The following VRK1 variants were observed in gnomAD, a reference collection of about 807,000 sequenced individuals.
The protein encoded by VRK1 is serine/threonine-protein kinase VRK1.
VRK1 carries 33 observed loss-of-function variants against 57.1 expected under a neutral mutation model. That is an observed-to-expected ratio of 0.58 (90% CI 0.44 to 0.77). VRK1 has a LOEUF of 0.77. VRK1 is among the 30% of genes least tolerant of loss of function. The probability of loss-of-function intolerance (pLI) is 0.00; values close to 1 mark genes in which losing one functional copy is unlikely to be tolerated. For missense variants in VRK1, 413 were observed against 477.3 expected, an observed-to-expected ratio of 0.87 and a Z score of 1.25; for synonymous variants, 137 against 147.8, an observed-to-expected ratio of 0.93 and a Z score of 0.53.
Position 96,823,222 on chromosome 14 carries a change from T to G in VRK1, c.-5-10245T>G, listed in dbSNP as rs564123962. On this transcript the variant is annotated intron_variant, in intron 1 of 12. Coordinates refer to ENST00000216639, the MANE Select transcript of VRK1 (RefSeq NM_003384.3). The stretch of plus-strand genomic sequence containing the variant: ...TAGGTAACATATGCATTATTTGTTC[T>G]TTTTATCTGTCTCTTCCTGCCAGAA... Among the ~76,000 whole-genome samples, 29 of 152,370 alleles carry G rather than the reference T, an allele frequency of 1.9e-4. 1 individual carries two copies. In the South Asian group the frequency reaches 5.6e-3, roughly 29 times the overall value.
chr14:96,799,158 G>A (rs1469169492), intron 1 of VRK1, among the ~76,000 whole-genome samples: 2 of 152,204 alleles, frequency 1.3e-5, no homozygotes. Flanking sequence ...AATGTGTTAA[G>A]CATAGAGCCT....
At chr14:96,872,177 T>A (rs1352129914) in intron 11 of VRK1, among the ~76,000 whole-genome samples, 3 of 152,204 alleles carry the variant, frequency 2.0e-5, no homozygotes, top group East Asian at 1.9e-4. Flanking sequence ...ATTTCCTAAC[T>A]CTCCATCTTT....
chr14:96,815,820 G>T (rs1886370701), intron 1 of VRK1, among the ~76,000 whole-genome samples: 1 of 151,894 alleles, frequency 6.6e-6, no homozygotes, highest in African/African-American at 2.4e-5. Flanking sequence ...ATTGCTTAGG[G>T]CCGAGGCTGC....
intron 4 of VRK1, among the ~76,000 whole-genome samples, chr14:96,846,620 TAGAG>T (rs763900461): frequency 2.0e-4 from 30 of 150,960 alleles, no homozygotes; most frequent in Middle Eastern, 3.2e-3. Context: ...ATTACATAAT[TAGAG>T]AGAGAAACTG....
At chr14:96,828,084 T>G (rs1288692703) in intron 1 of VRK1, among the ~76,000 whole-genome samples, 3 of 152,218 alleles carry the variant, frequency 2.0e-5, no homozygotes, top group Non-Finnish European at 2.9e-5. Flanking sequence ...TAGTATGTAC[T>G]CTTCTGTCTG....
At chr14:96,862,690 T>C (rs764456001) in intron 11 of VRK1, among the ~76,000 whole-genome samples, 31 of 152,176 alleles carry the variant, frequency 2.0e-4, no homozygotes, top group Non-Finnish European at 4.1e-4. Context: ...GCTTTCTCCT[T>C]TGAGAAACTA....
intron 1 of VRK1, among the ~76,000 whole-genome samples, chr14:96,822,519 C>T (rs1886642175): frequency 6.6e-6 from 1 of 152,146 alleles, no homozygotes; most frequent in Admixed American, 6.5e-5. Context: ...CATTGCAAAA[C>T]CATTCCTATC....
At chr14:96,806,447 T>A (rs892970732) in intron 1 of VRK1, among the ~76,000 whole-genome samples, 14 of 152,234 alleles carry the variant, frequency 9.2e-5, no homozygotes, top group African/African-American at 3.4e-4. Flanking sequence ...CTGATACTTG[T>A]GGAATATGTG....
chr14:96,875,670 A>G (rs1888998873), intron 11 of VRK1, among the ~76,000 whole-genome samples: 1 of 152,178 alleles, frequency 6.6e-6, no homozygotes, highest in South Asian at 2.1e-4. Flanking sequence ...CTGAGTGGTG[A>G]TCGTGAGTTT....
intron 2 of VRK1, among the ~76,000 whole-genome samples, chr14:96,836,518 C>CTTTTT (rs10560354): frequency 1.3e-4 from 12 of 89,458 alleles, no homozygotes; most frequent in South Asian, 4.2e-4. Flanking sequence ...ACATCAGGGT[C>CTTTTT]TTTTTTTTTT....
chr14:96,862,223 G>C (rs963449444), intron 11 of VRK1, among the ~76,000 whole-genome samples: 4 of 152,166 alleles, frequency 2.6e-5, no homozygotes, highest in African/African-American at 9.7e-5. Context: ...GCTAACATCT[G>C]TGACCTTATA....
At chr14:96,805,522 C>T (rs1325661816) in intron 1 of VRK1, among the ~76,000 whole-genome samples, 2 of 152,190 alleles carry the variant, frequency 1.3e-5, no homozygotes, top group Non-Finnish European at 2.9e-5. Context: ...TTCCCCTCCC[C>T]TGCCGTTTAT....
chr14:96,819,122 GT>G (rs1886500758), intron 1 of VRK1, among the ~76,000 whole-genome samples: 1 of 152,188 alleles, frequency 6.6e-6, no homozygotes, highest in South Asian at 2.1e-4. Flanking sequence ...ACTTACTGTA[GT>G]TTGGCAGGAG....
intron 1 of VRK1, among the ~76,000 whole-genome samples, chr14:96,816,797 G>A (rs879402816): frequency 1.3e-5 from 2 of 152,100 alleles, no homozygotes; most frequent in South Asian, 2.1e-4. Flanking sequence ...GAGAACAGTG[G>A]CACTCAAAGA....
intron 11 of VRK1, among the ~76,000 whole-genome samples, chr14:96,863,755 A>G (rs1165557121): frequency 6.6e-6 from 1 of 152,038 alleles, no homozygotes; most frequent in Admixed American, 6.5e-5. Context: ...GCATTATGCT[A>G]ATTGGTCTTT....
At chr14:96,859,430 A>C (rs1006048582) in intron 10 of VRK1, among the ~76,000 whole-genome samples, 2 of 152,214 alleles carry the variant, frequency 1.3e-5, no homozygotes, top group Admixed American at 1.3e-4. Flanking sequence ...GGGATATGGC[A>C]AAAGTGGACA....
chr14:96,853,449 A>G (rs1888029397), intron 7 of VRK1, among the ~76,000 whole-genome samples: 2 of 152,152 alleles, frequency 1.3e-5, no homozygotes, highest in African/African-American at 4.8e-5. Context: ...TTAAAATTAT[A>G]TAGTACACCA....
In VRK1 at chr14:96,837,837, AT is replaced by A; in HGVS notation, c.216+23del. 1 of 1,535,456 alleles carries A rather than the reference AT, an allele frequency of 6.5e-7. No homozygotes were observed. Among genetic ancestry groups the A allele is most frequent in the South Asian group, 1.3e-5 (1 of 74,320 alleles). Reference sequence around the variant, plus strand: ...AAAGTGGTAAGAAATATTTTAGCTAATTTGTTTCTTTTCTGTTGATTTGGTG... The same window carrying A: ...AAAGTGGTAAGAAATATTTTAGCTAATTGTTTCTTTTCTGTTGATTTGGTG... On this transcript the variant is annotated intron_variant, in intron 3 of 12. Transcript: ENST00000216639.
At chr14:96,867,851 G>A (rs975005765) in intron 11 of VRK1, among the ~76,000 whole-genome samples, 2 of 151,874 alleles carry the variant, frequency 1.3e-5, no homozygotes, top group African/African-American at 4.8e-5. Flanking sequence ...GCATATTCTT[G>A]TTTTATTGGT....
Sources: allele counts gnomAD v4.1 joint callset (sites outside exome capture counted in the v4.1 genomes callset), GRCh38; gene constraint gnomAD v4.1.1; transcripts MANE v1.5; gene names NCBI Gene and HGNC (gene_info 2026-07-23, HGNC 2026-07-21).